The following BBS9 variants were observed in gnomAD, a reference collection of about 807,000 sequenced individuals.
BBS9 encodes protein PTHB1.
A neutral mutation model predicts 117.7 loss-of-function variants in BBS9; 89 were observed. The observed-to-expected ratio is 0.76, with a 90% CI of 0.64 to 0.90. The LOEUF (loss-of-function observed/expected upper bound fraction) is 0.90, where lower values mean the gene tolerates loss of function less well. BBS9 is among the 40% of genes least tolerant of loss of function. The pLI, the probability that BBS9 is intolerant of heterozygous loss-of-function variation, is 0.00. For missense variants in BBS9, 982 were observed against 1,042.2 expected, an observed-to-expected ratio of 0.94 and a Z score of 0.80; for synonymous variants, 379 against 370.9, an observed-to-expected ratio of 1.02 and a Z score of -0.25.
intron 5 of BBS9, among the ~76,000 whole-genome samples, chr7:33,224,847 C>T (rs1392531205): frequency 1.3e-5 from 2 of 152,134 alleles, no homozygotes; most frequent in African/African-American, 2.4e-5. Context: ...GGCACATGCT[C>T]CCTGGTTGTC....
chr7:33,612,404 AACACATACACACATACACAT>A (rs1470301014), intron 21 of BBS9, among the ~76,000 whole-genome samples: 1 of 152,032 alleles, frequency 6.6e-6, no homozygotes, highest in Admixed American at 6.6e-5. Context: ...CAAATCATAA[AACACATACACACATACACAT>A]ACACATACAC....
At chr7:33,567,551 G>C (rs1377609044) in intron 21 of BBS9, among the ~76,000 whole-genome samples, 3 of 152,068 alleles carry the variant, frequency 2.0e-5, no homozygotes, top group Non-Finnish European at 4.4e-5. Flanking sequence ...TCTCTGCTTA[G>C]CCTGAGAAGT....
intron 19 of BBS9, among the ~76,000 whole-genome samples, chr7:33,430,394 T>C (rs920781498): frequency 1.3e-5 from 2 of 152,232 alleles, no homozygotes; most frequent in Admixed American, 1.3e-4. Context: ...ATAAATTCCA[T>C]GGACTCAGCA....
At chr7:33,591,846 T>C (rs965752388) in intron 21 of BBS9, among the ~76,000 whole-genome samples, 4 of 151,716 alleles carry the variant, frequency 2.6e-5, no homozygotes, top group African/African-American at 9.7e-5. Context: ...AATGTGATTA[T>C]GTACCCCTGG....
intron 9 of BBS9, among the ~76,000 whole-genome samples, chr7:33,299,037 C>T (rs1805837409): frequency 6.6e-6 from 1 of 152,140 alleles, no homozygotes; most frequent in South Asian, 2.1e-4. Flanking sequence ...AGATGGTTAT[C>T]TGTTTAGTGC....
chr7:33,625,578 G>A (rs1435294667), intron 21 of BBS9, among the ~76,000 whole-genome samples: 3 of 152,094 alleles, frequency 2.0e-5, no homozygotes, highest in Non-Finnish European at 4.4e-5. Flanking sequence ...TGGTGCAAGG[G>A]TCAGGCTCCC....
At chr7:33,227,163 A>G (rs1008055026) in intron 5 of BBS9, among the ~76,000 whole-genome samples, 2 of 146,362 alleles carry the variant, frequency 1.4e-5, no homozygotes, top group African/African-American at 5.0e-5. Context: ...ACAGCCATCA[A>G]TTTTTTTTTT....
chr7:33,464,249 C>T (rs972500951), intron 19 of BBS9, among the ~76,000 whole-genome samples: 5 of 151,980 alleles, frequency 3.3e-5, no homozygotes, highest in East Asian at 1.9e-4. Flanking sequence ...ATGAGCCTTA[C>T]GAAAATGAGG....
chr7:33,611,622 A>G (rs1864870507), intron 21 of BBS9, among the ~76,000 whole-genome samples: 1 of 132,952 alleles, frequency 7.5e-6, no homozygotes, highest in Non-Finnish European at 1.5e-5. Context: ...AATATTAATT[A>G]TTTAATAATA....
At chr7:33,184,519 C>G (rs1032382023) in intron 5 of BBS9, among the ~76,000 whole-genome samples, 2 of 152,156 alleles carry the variant, frequency 1.3e-5, no homozygotes, top group Non-Finnish European at 2.9e-5. Context: ...AGTTGGGTCT[C>G]GAACCCAAAT....
At chr7:33,303,427 T>C (rs558110078) in intron 9 of BBS9, among the ~76,000 whole-genome samples, 2 of 152,084 alleles carry the variant, frequency 1.3e-5, no homozygotes, top group Non-Finnish European at 2.9e-5. Context: ...TGTTGAAGTA[T>C]GTTCTTTCTG....
rs188812150 is a variant in BBS9, at chr7:33,175,314, A to T, written c.329-2164A>T. Among the ~76,000 whole-genome samples, 278 of 146,026 alleles carry T rather than the reference A, an allele frequency of 1.9e-3. 1 individual carries two copies. The highest frequency in any genetic ancestry group is 6.6e-3 in the African/African-American group (262 of 39,962). On this transcript the variant is annotated intron_variant, in intron 4 of 22. Coordinates refer to ENST00000242067, the MANE Select transcript of BBS9 (RefSeq NM_198428.3). ...GACTCTGTCTTTAAAAAATAAAAAT[A>T]AAAAAAAAAACAACAAAACTAATGT...
intron 19 of BBS9, among the ~76,000 whole-genome samples, chr7:33,410,937 A>G (rs991843220): frequency 2.9e-5 from 4 of 138,704 alleles, no homozygotes; most frequent in Non-Finnish European, 4.6e-5. Context: ...CTCACCTCTT[A>G]TTTCATGTAT....
At chr7:33,576,958 A>G (rs1362852129) in intron 21 of BBS9, among the ~76,000 whole-genome samples, 1 of 152,222 alleles carries the variant, frequency 6.6e-6, no homozygotes, top group Non-Finnish European at 1.5e-5. Flanking sequence ...ACCCTAGAAG[A>G]AAACCAAGGC....
chr7:33,566,787 T>C (rs980444660), intron 21 of BBS9, among the ~76,000 whole-genome samples: 1 of 152,208 alleles, frequency 6.6e-6, no homozygotes, highest in Non-Finnish European at 1.5e-5. Context: ...TCACAGATGC[T>C]AAATTGGCTT....
chr7:33,449,195 A>G (rs1272027121), intron 19 of BBS9, among the ~76,000 whole-genome samples: 1 of 152,102 alleles, frequency 6.6e-6, no homozygotes, highest in African/African-American at 2.4e-5. Flanking sequence ...TTTTGCTGCT[A>G]CTTTAGCTGG....
chr7:33,458,646 G>A (rs1411656372), intron 19 of BBS9, among the ~76,000 whole-genome samples: 2 of 152,166 alleles, frequency 1.3e-5, no homozygotes, highest in Non-Finnish European at 2.9e-5. Flanking sequence ...GGCACAGGGT[G>A]TAAAAGGAAC....
chr7:33,155,575 C>T (rs1018141538), intron 3 of BBS9, 63 bp from the exon 4 acceptor site: 3 of 1,103,582 alleles, frequency 2.7e-6, no homozygotes, highest in Non-Finnish European at 4.1e-6. Context: ...AATTATTTTA[C>T]AACTTTTTGG....
At position 33,175,313 on chromosome 7, in the gene BBS9, TA is replaced by T. The variant is rs201502628; in HGVS notation, c.329-2154del. Among the ~76,000 whole-genome samples the T allele has an allele frequency of 2.0e-3, 285 of 140,988 alleles. 4 individuals carry two copies. The East Asian group carries it at 0.04, about 20-fold the overall frequency. 92.5% of individuals were successfully genotyped at this position (140,988 alleles called of 152,430 possible). On this transcript the variant is annotated intron_variant, in intron 4 of 22. Coordinates refer to ENST00000242067, the MANE Select transcript of BBS9 (RefSeq NM_198428.3). ...AGACTCTGTCTTTAAAAAATAAAAATAAAAAAAAAAACAACAAAACTAATGT... is the reference window on the plus strand; with the variant it reads ...AGACTCTGTCTTTAAAAAATAAAAATAAAAAAAAAACAACAAAACTAATGT...
Sources: gnomAD v4.1 joint callset for allele counts (sites outside exome capture counted in the v4.1 genomes callset) on GRCh38, gnomAD v4.1.1 for gene constraint, MANE v1.5 for transcripts, NCBI Gene and HGNC (gene_info 2026-07-23, HGNC 2026-07-21) for gene names.